PHLPP1: variants seen among roughly 807,000 people sequenced by gnomAD.
The protein encoded by PHLPP1 is PH domain leucine-rich repeat-containing protein phosphatase 1.
In PHLPP1, 42 loss-of-function variants were observed where a neutral mutation model predicts 117.2. The ratio of observed to expected loss-of-function variants is 0.36; its 90% confidence interval spans 0.28 to 0.46. The LOEUF (loss-of-function observed/expected upper bound fraction) is 0.46, where lower values mean the gene tolerates loss of function less well. Among genes scored for constraint, PHLPP1 ranks in the 20% least tolerant of loss-of-function variants. The pLI, the probability that PHLPP1 is intolerant of heterozygous loss-of-function variation, is 1.00. For synonymous variants in PHLPP1, 1,042 were observed against 970.7 expected, an observed-to-expected ratio of 1.07 and a Z score of -1.37; for missense variants, 2,084 against 2,241.9, an observed-to-expected ratio of 0.93 and a Z score of 1.42.
chr18:62,931,617 G>A (rs542424018), intron 10 of PHLPP1, among the ~76,000 whole-genome samples: 52 of 149,804 alleles, frequency 3.5e-4, no homozygotes, highest in Admixed American at 2.1e-3. Flanking sequence ...AAAAAGGGCC[G>A]GGCACGGTGG....
At chr18:62,882,265 T>C (rs1441972532) in intron 4 of PHLPP1, among the ~76,000 whole-genome samples, 2 of 151,644 alleles carry the variant, frequency 1.3e-5, no homozygotes, top group Non-Finnish European at 2.9e-5. Context: ...TTCATTCACT[T>C]AACTATTTTT....
chr18:62,940,089 C>G (rs1376730888), intron 10 of PHLPP1, among the ~76,000 whole-genome samples: 1 of 152,040 alleles, frequency 6.6e-6, no homozygotes, highest in Non-Finnish European at 1.5e-5. Flanking sequence ...CTGTCTCTTT[C>G]CCACCTGCTG....
intron 12 of PHLPP1, among the ~76,000 whole-genome samples, chr18:62,955,206 A>T (rs2079900972): frequency 1.3e-5 from 2 of 152,338 alleles, no homozygotes; most frequent in Admixed American, 1.3e-4. Flanking sequence ...AGATGAAAGC[A>T]TGTCACATGC....
intron 3 of PHLPP1, among the ~76,000 whole-genome samples, chr18:62,850,610 A>C (rs1357868899): frequency 1.3e-5 from 2 of 152,174 alleles, no homozygotes; most frequent in African/African-American, 4.8e-5. Flanking sequence ...TTTGCCAATA[A>C]GGAACTGAGG....
rs1181522849 is a variant in PHLPP1 at position 62,799,420 on chromosome 18, T to C, written c.1577-30615T>C. 1.3e-5 allele frequency among the ~76,000 whole-genome samples: 2 copies of C among 152,180 alleles called. 1 individual carries two copies. The highest frequency in any genetic ancestry group is 4.8e-5 in the African/African-American group (2 of 41,422). ...GTTCAGAAGCATTATCCATTCTTTT[T>C]AACCTGTCATCACAAGACAGACATA... On this transcript the variant is annotated intron_variant, in intron 1 of 16. Coordinates refer to ENST00000262719, the MANE Select transcript of PHLPP1 (RefSeq NM_194449.4).
At chr18:62,736,808 T>A (rs1911381651) in intron 1 of PHLPP1, among the ~76,000 whole-genome samples, 1 of 152,236 alleles carries the variant, frequency 6.6e-6, no homozygotes, top group Non-Finnish European at 1.5e-5. Flanking sequence ...CACTTTCTAC[T>A]GGTTACCATA....
chr18:62,716,510 C>A lies in PHLPP1; in HGVS notation c.827C>A (p.Pro276Gln). 8.3e-7 allele frequency: 1 copy of A among 1,198,934 alleles called. No homozygotes were observed. The highest frequency in any genetic ancestry group is 1.0e-6 in the Non-Finnish European group (1 of 968,784). 74.3% of individuals were successfully genotyped at this position (1,198,934 alleles called of 1,614,324 possible). A position where few individuals can be genotyped will look rare whatever the true frequency, so the allele number is the denominator to read the frequency against. ...EAGPRLAPPE[P>Q]RDSEVPPARS... ...GGCCCCCGGCTGGCGCCCCCGGAGC[C>A]GCGGGACTCGGAGGTACCGCCCGCG... The change falls in exon 1 of 17, where the codon CCG (proline) becomes CAG (glutamine). Residue 276 changes from proline (P) to glutamine (Q), a missense_variant. Physicochemically the swap from Pro to Gln is moderately conservative, Grantham distance 76 (BLOSUM62 -1). This residue lies in a region of PHLPP1 where 719 missense variants were observed against 636.0 expected (regional missense o/e 1.13). Transcript: ENST00000262719. This position sits in a 1 kb window ranked among gnomAD's most constrained non-coding sequence, Gnocchi z 5.7.
rs115743173 is a variant in PHLPP1, at chr18:62,954,031, C to A, written c.3325-4598C>A. 4.9e-3 allele frequency among the ~76,000 whole-genome samples: 747 copies of A among 152,310 alleles called. 4 individuals carry two copies. Among genetic ancestry groups the A allele is most frequent in the African/African-American group, 0.017 (713 of 41,576 alleles). ...AGGAAAACATAATAAAGACAGGCTC[C>A]ATGCAGCTTTTGTGATAGTTACACT... On this transcript the variant is annotated intron_variant, in intron 12 of 16. Coordinates refer to ENST00000262719, the MANE Select transcript of PHLPP1 (RefSeq NM_194449.4).
chr18:62,738,744 T>G (rs1159724416), intron 1 of PHLPP1, among the ~76,000 whole-genome samples: 1 of 152,214 alleles, frequency 6.6e-6, no homozygotes, highest in Non-Finnish European at 1.5e-5. Context: ...AATACTGTAA[T>G]AAAAGTTATG....
At chr18:62,853,779 G>A (rs1248018275) in intron 3 of PHLPP1, among the ~76,000 whole-genome samples, 1 of 152,204 alleles carries the variant, frequency 6.6e-6, no homozygotes, top group Non-Finnish European at 1.5e-5. Flanking sequence ...GCTAATTGCA[G>A]TTTATCCTTA....
intron 1 of PHLPP1, among the ~76,000 whole-genome samples, chr18:62,793,542 CTGGATTTAT>C (rs1253146159): frequency 6.6e-6 from 1 of 152,166 alleles, no homozygotes; most frequent in African/African-American, 2.4e-5. Context: ...CAACCATAAC[CTGGATTTAT>C]TGAACATAGA....
chr18:62,720,500 T>G (rs1212656129), intron 1 of PHLPP1, among the ~76,000 whole-genome samples: 2 of 152,166 alleles, frequency 1.3e-5, no homozygotes, highest in African/African-American at 4.8e-5. Flanking sequence ...TCATATTTTA[T>G]TTATTTTCTC....
intron 2 of PHLPP1, among the ~76,000 whole-genome samples, chr18:62,834,234 A>G (rs1277787455): frequency 6.6e-6 from 1 of 151,756 alleles, no homozygotes; most frequent in Non-Finnish European, 1.5e-5. Flanking sequence ...TGGGCCTTGT[A>G]TGTTTGGATG....
At chr18:62,847,084 T>C (rs1397509943) in intron 3 of PHLPP1, among the ~76,000 whole-genome samples, 1 of 152,252 alleles carries the variant, frequency 6.6e-6, no homozygotes. Flanking sequence ...AGATACCTAG[T>C]TTGCTTATCG....
At chr18:62,879,534 C>T (rs1016335025) in intron 4 of PHLPP1, among the ~76,000 whole-genome samples, 1 of 152,062 alleles carries the variant, frequency 6.6e-6, no homozygotes, top group Non-Finnish European at 1.5e-5. Flanking sequence ...ACCTCCGCCT[C>T]CTGAGTAGCT....
At chr18:62,739,269 T>C (rs1027286121) in intron 1 of PHLPP1, among the ~76,000 whole-genome samples, 11 of 152,226 alleles carry the variant, frequency 7.2e-5, no homozygotes, top group African/African-American at 1.7e-4. Flanking sequence ...GCGAGTTATA[T>C]TGAGTGAAAT....
rs534757441 is a variant in PHLPP1, at chr18:62,778,608, T to C, written c.1577-51427T>C. Among the ~76,000 whole-genome samples, 4 of 152,332 alleles carry C rather than the reference T, an allele frequency of 2.6e-5. No individual in the cohort carries two copies. In the South Asian group the frequency reaches 8.3e-4, roughly 32 times the overall value. On this transcript the variant is annotated intron_variant, in intron 1 of 16. Transcript: ENST00000262719. ...GCTCAGAGACATAGCTATTTAAGTG[T>C]AAGATTACATATTTTTAGAAATAAT...
At chr18:62,793,104 G>T (rs1372841637) in intron 1 of PHLPP1, among the ~76,000 whole-genome samples, 1 of 152,044 alleles carries the variant, frequency 6.6e-6, no homozygotes, top group Non-Finnish European at 1.5e-5. Context: ...GAACCCAGGA[G>T]GCAGAGGTTG....
At chr18:62,766,507 A>T (rs561173079) in intron 1 of PHLPP1, among the ~76,000 whole-genome samples, 43 of 152,114 alleles carry the variant, frequency 2.8e-4, no homozygotes, top group Non-Finnish European at 4.1e-4. Flanking sequence ...TGTGAGTTTT[A>T]TAGGGGCAGT....
Sources: gnomAD v4.1 joint callset for allele counts (sites outside exome capture counted in the v4.1 genomes callset) on GRCh38, gnomAD v4.1.1 for gene constraint, gnomAD v4.1.1 regional missense constraint, Gnocchi (gnomAD v3.1) non-coding constraint, MANE v1.5 for transcripts, NCBI Gene and HGNC (gene_info 2026-07-23, HGNC 2026-07-21) for gene names.